Variants in CACNA2D1 observed in about 807,000 individuals in gnomAD.
The protein encoded by CACNA2D1 is calcium voltage-gated channel auxiliary subunit alpha2delta 1.
Under a neutral mutation model 171.5 loss-of-function variants are expected in CACNA2D1, and 53 were observed. That is an observed-to-expected ratio of 0.31 (90% confidence interval 0.25 to 0.39). The LOEUF (loss-of-function observed/expected upper bound fraction) is 0.39. CACNA2D1 is among the 10% of genes least tolerant of loss of function. The pLI, the probability that CACNA2D1 is intolerant of heterozygous loss-of-function variation, is 1.00. For synonymous variants in CACNA2D1, 442 were observed against 443.1 expected (o/e 1.00, Z 0.03); for missense variants, 903 against 1,299.8 (o/e 0.69, Z 4.69).
intron 3 of CACNA2D1, among the ~76,000 whole-genome samples, chr7:82,302,655 G>A (rs1023251359): frequency 6.6e-6 from 1 of 152,056 alleles, no homozygotes; most frequent in Non-Finnish European, 1.5e-5. Context: ...GACCTCATGT[G>A]AACCACCTGC....
intron 5 of CACNA2D1, among the ~76,000 whole-genome samples, chr7:82,133,853 A>C (rs953524245): frequency 2.0e-5 from 3 of 152,172 alleles, no homozygotes; most frequent in African/African-American, 7.2e-5. Flanking sequence ...CGGGTGGATC[A>C]GGAGGTCAGG....
At chr7:82,408,598 T>C (rs1827318270) in intron 1 of CACNA2D1, among the ~76,000 whole-genome samples, 1 of 152,202 alleles carries the variant, frequency 6.6e-6, no homozygotes, top group Admixed American at 6.5e-5. Flanking sequence ...CCTGGACATG[T>C]ACTCTGATAC....
At chr7:82,443,800 A>G (rs1350974248), upstream of CACNA2D1, 4 of 848,128 alleles carry the variant, frequency 4.7e-6, no homozygotes, top group East Asian at 1.2e-4. Context: ...TTCCTCCCTG[A>G]TTTATTCCCC....
At position 82,111,203 on chromosome 7, in the gene CACNA2D1, G is replaced by A. The variant is rs916767252; in HGVS notation, c.526+5841C>T. On this transcript the variant is annotated intron_variant, in intron 6 of 38. Coordinates refer to ENST00000356860, the MANE Select transcript of CACNA2D1 (RefSeq NM_000722.4). ...TGACTGCTTCTGAGGTAATTAAATG[G>A]TAATACCATGTCTAAAAAAGCTATT... is the stretch of plus-strand genomic sequence containing the variant. Among the ~76,000 whole-genome samples, 114 of 149,276 alleles carry A rather than the reference G, an allele frequency of 7.6e-4. 1 individual carries two copies. Among genetic ancestry groups the A allele is most frequent in the African/African-American group, 2.7e-3 (110 of 40,788 alleles).
intron 36 of CACNA2D1, 72 bp downstream of exon 36, chr7:81,961,793 TTTCTGTAATGATTATAACAGTATATACAA>T (rs1179292618): frequency 2.1e-5 from 20 of 932,214 alleles, no homozygotes; most frequent in Non-Finnish European, 3.2e-5. Flanking sequence ...TTTTCAGTTT[TTTCTGTAATGATTATAACAGTATATACAA>T]TTTCTTAATG....
At chr7:82,343,149 A>G (rs1285798210) in intron 2 of CACNA2D1, 5 of 152,214 alleles carry the variant, frequency 3.3e-5, no homozygotes, top group Admixed American at 6.5e-5. Context: ...CTAGCATTCT[A>G]ATACCAAACT....
Position 82,139,231 on chromosome 7 carries a change from C to T in CACNA2D1, c.355-2555G>A, listed in dbSNP as rs73383779. Among the ~76,000 whole-genome samples the T allele has an allele frequency of 9.8e-3, 1,494 of 152,080 alleles. 24 individuals carry two copies. The highest frequency in any genetic ancestry group is 0.034 in the African/African-American group (1,404 of 41,452). ...CATGGTACTAGAATTAATGATTAGTCAATGTATTTCCTAGTAATAAAATAT... is the reference window on the plus strand; with the variant it reads ...CATGGTACTAGAATTAATGATTAGTTAATGTATTTCCTAGTAATAAAATAT... On this transcript the variant is annotated intron_variant, in intron 4 of 38. Coordinates refer to ENST00000356860, the MANE Select transcript of CACNA2D1 (RefSeq NM_000722.4).
intron 3 of CACNA2D1, among the ~76,000 whole-genome samples, chr7:82,223,626 G>A (rs746155623): frequency 2.0e-5 from 3 of 152,154 alleles, no homozygotes; most frequent in Non-Finnish European, 2.9e-5. Flanking sequence ...GTAAATTCAT[G>A]TCAGGCATCT....
intron 21 of CACNA2D1, among the ~76,000 whole-genome samples, chr7:81,988,316 C>T (rs536611305): frequency 6.6e-6 from 1 of 152,070 alleles, no homozygotes; most frequent in African/African-American, 2.4e-5. Context: ...AAAAGAGTAA[C>T]TTGTGTATAC....
At chr7:81,990,584 A>C (rs925258535) in intron 21 of CACNA2D1, among the ~76,000 whole-genome samples, 1 of 152,150 alleles carries the variant, frequency 6.6e-6, no homozygotes, top group Admixed American at 6.5e-5. Flanking sequence ...CGACACACTC[A>C]TATCACCCTC....
intron 5 of CACNA2D1, among the ~76,000 whole-genome samples, chr7:82,132,251 T>C (rs1403638593): frequency 6.6e-6 from 1 of 152,206 alleles, no homozygotes; most frequent in Admixed American, 6.5e-5. Context: ...GTCACTCAGA[T>C]GAATGAGTAG....
intron 3 of CACNA2D1, among the ~76,000 whole-genome samples, chr7:82,325,672 A>C (rs1816560149): frequency 6.6e-6 from 1 of 152,202 alleles, no homozygotes; most frequent in South Asian, 2.1e-4. Context: ...GAAGTCATTT[A>C]ATCTTTCTTA....
At chr7:82,333,350 C>G (rs1381832441) in intron 3 of CACNA2D1, among the ~76,000 whole-genome samples, 1 of 152,210 alleles carries the variant, frequency 6.6e-6, no homozygotes, top group Non-Finnish European at 1.5e-5. Flanking sequence ...TCTGTTCTCA[C>G]ATGGCCAATG....
chr7:82,352,246 C>T (rs781098529), intron 1 of CACNA2D1, among the ~76,000 whole-genome samples: 7 of 152,130 alleles, frequency 4.6e-5, no homozygotes, highest in Non-Finnish European at 1.0e-4. Context: ...CTCTGCCTTT[C>T]AACCTGGAAT....
At chr7:82,261,514 C>T (rs1478983058) in intron 3 of CACNA2D1, among the ~76,000 whole-genome samples, 1 of 152,130 alleles carries the variant, frequency 6.6e-6, no homozygotes, top group African/African-American at 2.4e-5. Flanking sequence ...TAAGTATTAA[C>T]GAGAAGGCGT....
chr7:82,140,823 C>T (rs1792279173), intron 4 of CACNA2D1, among the ~76,000 whole-genome samples: 1 of 151,540 alleles, frequency 6.6e-6, no homozygotes, highest in Non-Finnish European at 1.5e-5. Context: ...GGCGTGGTGG[C>T]GGGCACCTGT....
chr7:82,393,101 GGCAGGCAGGC>G lies in CACNA2D1; in HGVS notation c.96-43462_96-43453del, dbSNP rs1563483406. The stretch of plus-strand genomic sequence containing the variant: ...AGGAAGGAAGGCAGGCAGGCAGGCA[GGCAGGCAGGC>G]AGGGAGGGAGGGAGGGAGGCAGGCA... On this transcript the variant is annotated intron_variant, in intron 1 of 38. Transcript: ENST00000356860. 9.6e-4 allele frequency among the ~76,000 whole-genome samples: 137 copies of G among 142,970 alleles called. 1 individual carries two copies. The highest frequency in any genetic ancestry group is 3.5e-3 in the African/African-American group (127 of 36,018). The allele number at this position is 142,970 out of a possible 152,430, so 93.8% of individuals were successfully genotyped here.
chr7:82,213,777 C>CT lies in CACNA2D1; in HGVS notation c.295-43169dup, dbSNP rs995362856. ...TCTGGCAGCTGTGTACAGACTCAGG[C>CT]TTTTTTTTAGCCTCAAAATATCCTA... On this transcript the variant is annotated intron_variant, in intron 3 of 38. Coordinates refer to ENST00000356860, the MANE Select transcript of CACNA2D1 (RefSeq NM_000722.4). Among the ~76,000 whole-genome samples, 11 of 151,892 alleles carry CT rather than the reference C, an allele frequency of 7.2e-5. 1 individual carries two copies. The South Asian group carries it at 1.0e-3, about 14-fold the overall frequency.
intron 1 of CACNA2D1, among the ~76,000 whole-genome samples, chr7:82,393,517 T>C (rs781698754): frequency 5.3e-5 from 8 of 152,242 alleles, no homozygotes; most frequent in Non-Finnish European, 8.8e-5. Context: ...TTGGCTGTTT[T>C]ATTTCAATGT....
Sources: allele counts gnomAD v4.1 joint callset (sites outside exome capture counted in the v4.1 genomes callset), GRCh38; gene constraint gnomAD v4.1.1; transcripts MANE v1.5; gene names NCBI Gene and HGNC (gene_info 2026-07-23, HGNC 2026-07-21).